Variants in C4BPA observed in about 807,000 individuals in gnomAD.
The protein encoded by C4BPA is C4b-binding protein alpha chain.
C4BPA carries 31 observed loss-of-function variants against 63.7 expected under a neutral mutation model. That is an observed-to-expected ratio of 0.49 (90% CI 0.37 to 0.66). The LOEUF is 0.66. C4BPA is among the 30% of genes least tolerant of loss of function. The probability of loss-of-function intolerance (pLI) is 0.00; values close to 1 mark genes in which losing one functional copy is unlikely to be tolerated. For synonymous variants in C4BPA, 259 were observed against 254.7 expected, an observed-to-expected ratio of 1.02 and a Z score of -0.16; for missense variants, 572 against 723.3, an observed-to-expected ratio of 0.79 and a Z score of 2.40.
At chr1:207,112,776 C>G (rs1684696271) in intron 1 of C4BPA, 6 of 450,122 alleles carry the variant, frequency 1.3e-5, no homozygotes, top group Non-Finnish European at 2.3e-5. Flanking sequence ...GCAAAGCCCA[C>G]TCCCTCCCTC....
chr1:207,136,353 T>C (rs1452367609), intron 9 of C4BPA, among the ~76,000 whole-genome samples: 1 of 152,208 alleles, frequency 6.6e-6, no homozygotes, highest in Non-Finnish European at 1.5e-5. Flanking sequence ...TAATACCTTT[T>C]CTACTGGGGA....
chr1:207,134,853 T>C (rs1685245162), intron 9 of C4BPA, among the ~76,000 whole-genome samples: 1 of 152,260 alleles, frequency 6.6e-6, no homozygotes. Flanking sequence ...TGTTTCTTTG[T>C]ATTATTCTCT....
At position 207,131,651 on chromosome 1, in the gene C4BPA, G is replaced by C; in HGVS notation, c.995G>C (p.Cys332Ser). 6.2e-7 allele frequency: 1 copy of C among 1,613,882 alleles called. No individual in the cohort carries two copies. The highest frequency in any genetic ancestry group is 8.5e-7 in the Non-Finnish European group (1 of 1,179,870). The change falls in exon 8 of 12, where the codon TGT (cysteine) becomes TCT (serine). Residue 332 changes from cysteine to serine, a missense_variant. By Grantham distance (112) the Cys-to-Ser change is moderately radical. Around this residue, in one of 2 missense-constraint regions of C4BPA, gnomAD observed 465 missense variants for 629.4 expected, o/e 0.74. Coordinates refer to ENST00000367070, the MANE Select transcript of C4BPA (RefSeq NM_000715.4). ...GTTGGGACTGTGTTAAGGTACCGCT[G>C]TCATCCTGGCTACAAACCCACTACA... is the stretch of plus-strand genomic sequence containing the variant. ...YVVGTVLRYR[C>S]HPGYKPTTDE...
At chr1:207,116,006 A>AT (rs1558088315) in intron 4 of C4BPA, among the ~76,000 whole-genome samples, 1 of 152,166 alleles carries the variant, frequency 6.6e-6, no homozygotes, top group African/African-American at 2.4e-5. Context: ...TATGTGTGTC[A>AT]TTTTATACAT....
intron 8 of C4BPA, among the ~76,000 whole-genome samples, chr1:207,132,273 C>T (rs1046350716): frequency 6.6e-6 from 1 of 152,224 alleles, no homozygotes; most frequent in Non-Finnish European, 1.5e-5. Flanking sequence ...AGAAAGGAGA[C>T]TTCCTCCAGT....
At chr1:207,137,536 AATT>A (rs1685308225) in intron 9 of C4BPA, among the ~76,000 whole-genome samples, 3 of 152,162 alleles carry the variant, frequency 2.0e-5, no homozygotes, top group Non-Finnish European at 2.9e-5. Flanking sequence ...TAATTGGTTG[AATT>A]ATTATCAGAA....
intron 10 of C4BPA, 51 bp from the exon 11 acceptor site, chr1:207,143,767 T>C (rs751821528): frequency 1.3e-4 from 164 of 1,266,740 alleles, no homozygotes; most frequent in Admixed American, 2.2e-4. Context: ...ACTGTTATCA[T>C]GTCCTTCTTC....
At chr1:207,143,689 T>C (rs1685468998) in intron 10 of C4BPA, 129 bp from the exon 11 acceptor site, 1 of 679,984 alleles carries the variant, frequency 1.5e-6, no homozygotes, top group African/African-American at 1.8e-5. Context: ...CTAATATGAA[T>C]GTTTTCAAAT....
chr1:207,141,042 G>A, intron 9 of C4BPA, 64 bp from the exon 10 acceptor site: 2 of 1,289,100 alleles, frequency 1.6e-6, no homozygotes, highest in Non-Finnish European at 1.1e-6. Context: ...CATGTATTCT[G>A]CAATGTGCTA....
intron 9 of C4BPA, 125 bp downstream of exon 9, chr1:207,134,717 C>T (rs774159638): frequency 6.9e-5 from 41 of 591,706 alleles, no homozygotes; most frequent in Non-Finnish European, 1.1e-4. Context: ...TGGAATGGGT[C>T]CAACTTTCTC....
chr1:207,133,409 A>C (rs1033429625), intron 8 of C4BPA, among the ~76,000 whole-genome samples: 2 of 152,188 alleles, frequency 1.3e-5, no homozygotes, highest in African/African-American at 4.8e-5. Flanking sequence ...TTTTTTCTTA[A>C]AGTATTTCTA....
chr1:207,107,285 C>T lies in C4BPA; in HGVS notation c.-26+2855C>T, dbSNP rs183040258. Among the ~76,000 whole-genome samples the T allele has an allele frequency of 5.9e-5, 9 of 152,260 alleles. No homozygotes were observed. The East Asian group carries it at 1.7e-3, about 29-fold the overall frequency. Reference sequence around the variant, plus strand: ...AATCCTGGCTTTGTATGGTGGCTCACGCCTATAATTCCAGCACTTTGGGAG... The same window carrying T: ...AATCCTGGCTTTGTATGGTGGCTCATGCCTATAATTCCAGCACTTTGGGAG... On this transcript the variant is annotated intron_variant, in intron 1 of 11. Transcript: ENST00000367070.
rs1572769259 is a variant in C4BPA, at chr1:207,104,399, T to G, written c.-57T>G. On this transcript the variant is annotated 5_prime_UTR_variant, in exon 1 of 12. Coordinates refer to ENST00000367070, the MANE Select transcript of C4BPA (RefSeq NM_000715.4). ...TGAGAAACTATCCCAGATATCATCA[T>G]AGAGTCTTCTGCTCTTCCTCAACTA... 1.3e-5 allele frequency: 2 copies of G among 152,238 alleles called. No individual in the cohort carries two copies. 9.4% of individuals were successfully genotyped at this position (152,238 alleles called of 1,614,324 possible).
chr1:207,124,704 A>T lies in C4BPA; in HGVS notation c.706+338A>T, dbSNP rs147164201. On this transcript the variant is annotated intron_variant, in intron 6 of 11. Coordinates refer to ENST00000367070, the MANE Select transcript of C4BPA (RefSeq NM_000715.4). ...GGGCAGCCGTAGTCTGTGTTAGCTT[A>T]GCAACTAGCTCAGCAAGCCAGGTTG... 8.8e-3 allele frequency among the ~76,000 whole-genome samples: 1,344 copies of T among 152,312 alleles called. 8 individuals carry two copies. Among genetic ancestry groups the T allele is most frequent in the Non-Finnish European group, 0.012 (841 of 68,016 alleles).
intron 2 of C4BPA, among the ~76,000 whole-genome samples, chr1:207,113,715 T>C (rs1684719153): frequency 6.6e-6 from 1 of 152,192 alleles, no homozygotes; most frequent in Non-Finnish European, 1.5e-5. Flanking sequence ...CAATAATATG[T>C]TTCTGTTGAG....
At chr1:207,121,624 A>G (rs4261118) in intron 4 of C4BPA, among the ~76,000 whole-genome samples, 88,572 of 151,808 alleles carry the variant, frequency 0.58, 27,169 homozygotes, top group East Asian at 0.73. Context: ...ACTTGGTTTT[A>G]TCATATTATT....
chr1:207,131,616 T>G lies in C4BPA; in HGVS notation c.960T>G (p.Asp320Glu). ...WETYPRPTKE[D>E]VYVVGTVLRY... ...CATATCCTAGGCCGACAAAAGAGGA[T>G]GTGTATGTTGTTGGGACTGTGTTAA... Residue 320 changes from aspartate to glutamate, a missense_variant, in exon 8 of 12, where the codon GAT becomes GAG. Transcript: ENST00000367070. The G allele has an allele frequency of 6.2e-7, 1 of 1,613,334 alleles. No individual in the cohort carries two copies. The highest frequency in any genetic ancestry group is 8.5e-7 in the Non-Finnish European group (1 of 1,179,392).
rs1572788537 is a variant in C4BPA at position 207,126,985 on chromosome 1, C to G, written c.889+90C>G. 4 of 834,072 alleles carry G rather than the reference C, an allele frequency of 4.8e-6. No homozygotes were observed. In the African/African-American group the frequency reaches 5.2e-5, roughly 11 times the overall value. The allele number at this position is 834,072 out of a possible 1,614,324, so 51.7% of individuals were successfully genotyped here. A position where few individuals can be genotyped will look rare whatever the true frequency, so the allele number is the denominator to read the frequency against. The stretch of plus-strand genomic sequence containing the variant: ...GGGTATACTTGCATGCATAGGCCTA[C>G]TATGAATTACAGTAAAAATTTACAT... On this transcript the variant is annotated intron_variant, in intron 7 of 11. Coordinates refer to ENST00000367070, the MANE Select transcript of C4BPA (RefSeq NM_000715.4).
chr1:207,127,947 AT>A (rs1685080981), intron 7 of C4BPA, among the ~76,000 whole-genome samples: 1 of 152,068 alleles, frequency 6.6e-6, no homozygotes, highest in Non-Finnish European at 1.5e-5. Context: ...ACATGACAGT[AT>A]TTTTCAAAGA....
Sources: gnomAD v4.1 joint callset for allele counts (sites outside exome capture counted in the v4.1 genomes callset) on GRCh38, gnomAD v4.1.1 for gene constraint, gnomAD v4.1.1 regional missense constraint, MANE v1.5 for transcripts, NCBI Gene and HGNC (gene_info 2026-07-23, HGNC 2026-07-21) for gene names.